Variants in SGPP2 observed in about 807,000 individuals in gnomAD.
SGPP2 encodes the protein sphingosine 1-phosphate phosphohydrolase 2.
In SGPP2, 30 loss-of-function variants were observed where a neutral mutation model predicts 33.9. The observed-to-expected ratio is 0.89, with a 90% CI of 0.66 to 1.20. SGPP2 has a LOEUF of 1.20. SGPP2 is among the 50% of genes most tolerant of loss of function. The pLI is 0.00. For missense variants in SGPP2, 458 were observed against 532.1 expected (o/e 0.86, Z 1.37); for synonymous variants, 233 against 225.0 (o/e 1.04, Z -0.32).
chr2:222,474,467 G>C, intron 1 of SGPP2, 101 bp from the exon 2 acceptor site: 1 of 1,002,204 alleles, frequency 1.0e-6, no homozygotes, highest in Non-Finnish European at 1.5e-6. Context: ...TGGGAGAGGA[G>C]ACAGCGTCTT....
intron 1 of SGPP2, among the ~76,000 whole-genome samples, chr2:222,471,230 T>C (rs1697835283): frequency 1.3e-5 from 2 of 152,162 alleles, no homozygotes; most frequent in Admixed American, 1.3e-4. Context: ...TTCTTATGCT[T>C]ATCATGACTC....
chr2:222,447,183 G>T (rs1174919546), intron 1 of SGPP2, among the ~76,000 whole-genome samples: 2 of 152,186 alleles, frequency 1.3e-5, no homozygotes, highest in Admixed American at 1.3e-4. Context: ...GAACAAGGTG[G>T]AGTAGTGATG....
Position 222,435,463 on chromosome 2 carries a change from C to T in SGPP2, c.219+10642C>T, listed in dbSNP as rs1208864202. 2.6e-5 allele frequency among the ~76,000 whole-genome samples: 4 copies of T among 152,252 alleles called. No individual in the cohort carries two copies. The East Asian group carries it at 7.7e-4, about 29-fold the overall frequency. ...CCTTCAATCCAATCAAGTTGACACT[C>T]AGTATTAACCATCACAAGTCCACCT... is the stretch of plus-strand genomic sequence containing the variant. On this transcript the variant is annotated intron_variant, in intron 1 of 4. Transcript: ENST00000321276.
intron 4 of SGPP2, 112 bp downstream of exon 4, chr2:222,525,145 A>T (rs1037276697): frequency 1.4e-6 from 1 of 706,238 alleles, no homozygotes; most frequent in African/African-American, 1.8e-5. Flanking sequence ...ATGTAATTAT[A>T]TTTCTCATCA....
intron 2 of SGPP2, among the ~76,000 whole-genome samples, chr2:222,482,434 G>A (rs575181026): frequency 4.6e-5 from 7 of 152,166 alleles, no homozygotes; most frequent in African/African-American, 1.7e-4. Flanking sequence ...TCTTGCTGTG[G>A]TACCCAGGCT....
intron 1 of SGPP2, among the ~76,000 whole-genome samples, chr2:222,468,999 T>G (rs999640705): frequency 1.3e-5 from 2 of 152,170 alleles, no homozygotes; most frequent in East Asian, 3.8e-4. Context: ...GGAAAACCTT[T>G]TTTAAAAAAA....
chr2:222,470,311 A>T (rs1223813023), intron 1 of SGPP2, among the ~76,000 whole-genome samples: 1 of 152,214 alleles, frequency 6.6e-6, no homozygotes, highest in Non-Finnish European at 1.5e-5. Flanking sequence ...AGACAAGTAC[A>T]TGTTGTTTTA....
chr2:222,494,594 G>C (rs1045750141), intron 2 of SGPP2, among the ~76,000 whole-genome samples: 4 of 152,218 alleles, frequency 2.6e-5, no homozygotes, highest in African/African-American at 9.6e-5. Flanking sequence ...GCGCCAGCTT[G>C]GCCCTGCGTG....
intron 4 of SGPP2, among the ~76,000 whole-genome samples, chr2:222,548,593 A>G (rs1209746817): frequency 6.6e-6 from 1 of 152,210 alleles, no homozygotes; most frequent in African/African-American, 2.4e-5. Flanking sequence ...TGCCCACTCA[A>G]AGACCCATTC....
At chr2:222,469,002 TA>T (rs532974608) in intron 1 of SGPP2, among the ~76,000 whole-genome samples, 10 of 151,970 alleles carry the variant, frequency 6.6e-5, no homozygotes, top group African/African-American at 9.7e-5. Context: ...AAACCTTTTT[TA>T]AAAAAAACTT....
At chr2:222,462,205 A>G (rs1054471539) in intron 1 of SGPP2, among the ~76,000 whole-genome samples, 5 of 152,100 alleles carry the variant, frequency 3.3e-5, no homozygotes, top group Non-Finnish European at 7.4e-5. Flanking sequence ...GTGGCGGGGA[A>G]CATGGTCAAC....
chr2:222,508,764 T>G (rs1698482579), intron 2 of SGPP2, among the ~76,000 whole-genome samples: 1 of 152,244 alleles, frequency 6.6e-6, no homozygotes, highest in Non-Finnish European at 1.5e-5. Flanking sequence ...ATTTCATCTC[T>G]ATTTTTACAA....
intron 4 of SGPP2, among the ~76,000 whole-genome samples, chr2:222,535,008 C>G (rs1698892078): frequency 6.6e-6 from 1 of 152,166 alleles, no homozygotes; most frequent in African/African-American, 2.4e-5. Flanking sequence ...ATATGTATTA[C>G]TAACAACAAA....
chr2:222,537,509 A>C lies in SGPP2; in HGVS notation c.648+12476A>C, dbSNP rs376612606. Among the ~76,000 whole-genome samples, 48 of 152,348 alleles carry C rather than the reference A, an allele frequency of 3.2e-4. 2 individuals are homozygous for C. The East Asian group carries it at 7.3e-3, about 23-fold the overall frequency. ...AGATATGAAGGAATAAAATAAATACAAATAAAAGTGAGATACCATTTTTAC... is the reference window on the plus strand; with the variant it reads ...AGATATGAAGGAATAAAATAAATACCAATAAAAGTGAGATACCATTTTTAC... On this transcript the variant is annotated intron_variant, in intron 4 of 4. Transcript: ENST00000321276.
intron 2 of SGPP2, among the ~76,000 whole-genome samples, chr2:222,480,314 T>C (rs1332787408): frequency 6.6e-6 from 1 of 152,246 alleles, no homozygotes; most frequent in Non-Finnish European, 1.5e-5. Flanking sequence ...CAACTCATCC[T>C]GGGAGTTTGG....
intron 2 of SGPP2, among the ~76,000 whole-genome samples, chr2:222,490,130 T>G (rs1273091912): frequency 1.3e-5 from 2 of 152,242 alleles, no homozygotes; most frequent in Non-Finnish European, 2.9e-5. Context: ...AGTAAGTTTC[T>G]ATATTCATGA....
At chr2:222,495,216 C>A (rs1454722736) in intron 2 of SGPP2, among the ~76,000 whole-genome samples, 1 of 151,992 alleles carries the variant, frequency 6.6e-6, no homozygotes, top group African/African-American at 2.4e-5. Context: ...GAGTTTGAGA[C>A]CAGCCTGGGC....
In SGPP2 at chr2:222,468,384, T is replaced by TAAA. The variant is rs61207611; in HGVS notation, c.220-6171_220-6169dup. On this transcript the variant is annotated intron_variant, in intron 1 of 4. Transcript: ENST00000321276. ...TATTTAATGAGCCTTTCCTTCCTTG[T>TAAA]AAAAAAAAAAAAAAATTGTACATTA... Among the ~76,000 whole-genome samples, 260 of 142,728 alleles carry TAAA rather than the reference T, an allele frequency of 1.8e-3. 3 individuals are homozygous for TAAA. In the East Asian group the frequency reaches 0.035, roughly 19 times the overall value. 93.6% of individuals were successfully genotyped at this position (142,728 alleles called of 152,430 possible).
At chr2:222,457,586 T>G (rs1697591448) in intron 1 of SGPP2, among the ~76,000 whole-genome samples, 2 of 152,352 alleles carry the variant, frequency 1.3e-5, no homozygotes, top group South Asian at 4.1e-4. Context: ...GCCTCTTATC[T>G]TCACATCTGT....
Sources: gnomAD v4.1 joint callset for allele counts (sites outside exome capture counted in the v4.1 genomes callset) on GRCh38, gnomAD v4.1.1 for gene constraint, MANE v1.5 for transcripts, NCBI Gene and HGNC (gene_info 2026-07-23, HGNC 2026-07-21) for gene names.